The following PCTP variants were observed in gnomAD, a reference collection of about 807,000 sequenced individuals.
The protein encoded by PCTP is START domain-containing protein 2.
In PCTP, 27 loss-of-function variants were observed where a neutral mutation model predicts 31.0. That is an observed-to-expected ratio of 0.87 (90% CI 0.64 to 1.20). The LOEUF is 1.20. PCTP is among the 50% of genes most tolerant of loss of function. The probability of loss-of-function intolerance (pLI) is 0.00; values close to 1 mark genes in which losing one functional copy is unlikely to be tolerated. For synonymous variants in PCTP, 108 were observed against 101.2 expected (o/e 1.07, Z -0.40); for missense variants, 287 against 268.2 (o/e 1.07, Z -0.49).
Position 55,790,880 on chromosome 17 carries a change from C to A in PCTP, c.317+3226C>A, listed in dbSNP as rs1356361911. The stretch of plus-strand genomic sequence containing the variant: ...TAAGCCAAAAGAACAAAGCTGGAGG[C>A]ATCACGCTACCTGACTTCAAACTGT... On this transcript the variant is annotated intron_variant, in intron 3 of 3. Coordinates refer to the PCTP transcript ENST00000572536. 1.3e-5 allele frequency among the ~76,000 whole-genome samples: 2 copies of A among 150,552 alleles called. 1 individual carries two copies. The highest frequency in any genetic ancestry group is 5.0e-5 in the African/African-American group (2 of 39,932).
At chr17:55,813,974 C>T (rs1288803980) in intron 3 of PCTP, among the ~76,000 whole-genome samples, 3 of 151,254 alleles carry the variant, frequency 2.0e-5, no homozygotes, top group Non-Finnish European at 4.4e-5. Context: ...CCTGGGAAGT[C>T]AAGGCTGCAG....
At chr17:55,803,892 CAA>C (rs35044645) in intron 3 of PCTP, among the ~76,000 whole-genome samples, 9 of 126,482 alleles carry the variant, frequency 7.1e-5, no homozygotes, top group Admixed American at 8.0e-5. Flanking sequence ...TTCTGCAGAG[CAA>C]AAAAAAAAAA....
At chr17:55,841,183 G>A (rs1009469803) in intron 5 of PCTP, among the ~76,000 whole-genome samples, 1 of 152,212 alleles carries the variant, frequency 6.6e-6, no homozygotes, top group African/African-American at 2.4e-5. Context: ...GGAAATCCAC[G>A]TCATTAGTAG....
At chr17:55,767,828 C>T (rs1210934811) in intron 2 of PCTP, among the ~76,000 whole-genome samples, 7 of 137,204 alleles carry the variant, frequency 5.1e-5, no homozygotes, top group Admixed American at 3.3e-4. Context: ...TGCAGTGACT[C>T]ACGCCTGTAA....
chr17:55,752,368 A>G lies in PCTP; in HGVS notation c.141+1124A>G, dbSNP rs141934414. Among the ~76,000 whole-genome samples the G allele has an allele frequency of 1.4e-4, 22 of 152,330 alleles. 1 individual carries two copies. Among genetic ancestry groups the G allele is most frequent in the Non-Finnish European group, 2.9e-4 (20 of 68,036 alleles). Reference sequence around the variant, plus strand: ...TCATTGCAGGGTTGTTAGGGGGTTCAAATCCAATCTGTCAGATATGTGTGA... The same window carrying G: ...TCATTGCAGGGTTGTTAGGGGGTTCGAATCCAATCTGTCAGATATGTGTGA... On this transcript the variant is annotated intron_variant, in intron 1 of 5. Transcript: ENST00000268896.
downstream of PCTP, among the ~76,000 whole-genome samples, chr17:55,825,068 A>G (rs749532720): frequency 1.3e-5 from 2 of 152,170 alleles, no homozygotes; most frequent in East Asian, 1.9e-4. Context: ...CAGGTGCACA[A>G]ATTTTTTTAA....
chr17:55,789,402 GA>G (rs1227107780), intron 3 of PCTP, among the ~76,000 whole-genome samples: 1 of 152,158 alleles, frequency 6.6e-6, no homozygotes, highest in Non-Finnish European at 1.5e-5. Flanking sequence ...TTAATGTTAG[GA>G]AAGTACCATT....
At chr17:55,839,685 C>T (rs1905896514) in intron 5 of PCTP, among the ~76,000 whole-genome samples, 1 of 151,782 alleles carries the variant, frequency 6.6e-6, no homozygotes, top group South Asian at 2.1e-4. Flanking sequence ...CTTTGGGAGG[C>T]CGAGGCGGGC....
At chr17:55,845,890 GTGT>G (rs778873385), downstream of PCTP, among the ~76,000 whole-genome samples, 169 of 115,126 alleles carry the variant, frequency 1.5e-3, no homozygotes, top group African/African-American at 2.6e-3. Flanking sequence ...GGGTTGGGGT[GTGT>G]GTGTGTGTGT....
chr17:55,816,378 C>T (rs918386153), intron 3 of PCTP, among the ~76,000 whole-genome samples: 2 of 152,228 alleles, frequency 1.3e-5, no homozygotes, highest in South Asian at 4.1e-4. Flanking sequence ...TCAAGGCTCT[C>T]TTTAAGCATC....
exon 4 of PCTP, chr17:55,822,995 C>T (rs553181762): frequency 3.2e-5 from 13 of 410,468 alleles, no homozygotes; most frequent in Admixed American, 9.1e-5. Flanking sequence ...ACAGTATTTT[C>T]GCAGATGTGA....
Position 55,764,044 on chromosome 17 carries a change from T to G in PCTP, c.142-3291T>G, listed in dbSNP as rs1000910970. ...CTTCTGTACTCACGCAAATTATGGT[T>G]GTTCTATTTTTCTCTTCCTTGAGAA... is the stretch of plus-strand genomic sequence containing the variant. On this transcript the variant is annotated intron_variant, in intron 1 of 5. Transcript: ENST00000268896. Among the ~76,000 whole-genome samples the G allele has an allele frequency of 7.9e-5, 12 of 152,238 alleles. No individual in the cohort carries two copies. The East Asian group carries it at 1.5e-3, about 20-fold the overall frequency.
chr17:55,785,192 CACTT>C (rs1911704008), intron 2 of PCTP, among the ~76,000 whole-genome samples: 1 of 152,246 alleles, frequency 6.6e-6, no homozygotes, highest in African/African-American at 2.4e-5. Flanking sequence ...TGGATTGTCT[CACTT>C]GCTTTCTCTC....
intron 3 of PCTP, among the ~76,000 whole-genome samples, chr17:55,822,053 C>G (rs560586076): frequency 6.6e-6 from 1 of 152,168 alleles, no homozygotes; most frequent in Non-Finnish European, 1.5e-5. Context: ...CCTCCACCCC[C>G]AGCACCTGAT....
downstream of PCTP, among the ~76,000 whole-genome samples, chr17:55,778,683 CTG>C (rs1911453463): frequency 6.6e-6 from 1 of 152,102 alleles, no homozygotes; most frequent in African/African-American, 2.4e-5. Flanking sequence ...GGTCCTCTCT[CTG>C]TTAAGGGGTG....
intron 3 of PCTP, among the ~76,000 whole-genome samples, chr17:55,790,847 G>A (rs112043395): frequency 6.7e-6 from 1 of 150,112 alleles, no homozygotes; most frequent in Non-Finnish European, 1.5e-5. Context: ...GCATCACCAA[G>A]TCAATCCTAA....
chr17:55,780,464 T>C (rs1911521566), downstream of PCTP, among the ~76,000 whole-genome samples: 1 of 152,218 alleles, frequency 6.6e-6, no homozygotes, highest in Non-Finnish European at 1.5e-5. Context: ...GCTCTTAAAG[T>C]ATTACATTTT....
intron 2 of PCTP, among the ~76,000 whole-genome samples, chr17:55,786,003 C>A (rs1008768040): frequency 2.6e-5 from 4 of 152,172 alleles, no homozygotes; most frequent in African/African-American, 9.7e-5. Context: ...CATATGTGGG[C>A]TGGGCACGGT....
intron 5 of PCTP, among the ~76,000 whole-genome samples, chr17:55,831,361 C>G (rs182300417): frequency 6.6e-6 from 1 of 152,180 alleles, no homozygotes; most frequent in Admixed American, 6.5e-5. Flanking sequence ...AAAGGCACCA[C>G]TTTGTGGTGC....
Sources: gnomAD v4.1 joint callset for allele counts (sites outside exome capture counted in the v4.1 genomes callset) on GRCh38, gnomAD v4.1.1 for gene constraint, MANE v1.5 for transcripts, NCBI Gene and HGNC (gene_info 2026-07-23, HGNC 2026-07-21) for gene names.